The following TSNARE1 variants were observed in gnomAD, a reference collection of about 807,000 sequenced individuals.
TSNARE1 encodes t-SNARE domain containing 1.
Under a neutral mutation model 62.0 loss-of-function variants are expected in TSNARE1, and 49 were observed. The ratio of observed to expected loss-of-function variants is 0.79; its 90% CI spans 0.63 to 1.00. TSNARE1 has a LOEUF of 1.00. Ranked by LOEUF, TSNARE1 falls within the 50% of genes least tolerant of loss-of-function variation. The probability of loss-of-function intolerance (pLI) is 0.00; values close to 1 mark genes in which losing one functional copy is unlikely to be tolerated. For missense variants in TSNARE1, 755 were observed against 700.1 expected, an observed-to-expected ratio of 1.08 and a Z score of -0.88; for synonymous variants, 328 against 294.4, an observed-to-expected ratio of 1.11 and a Z score of -1.17.
At chr8:142,327,424 C>T (rs7000748) in intron 6 of TSNARE1, among the ~76,000 whole-genome samples, 62,067 of 151,886 alleles carry the variant, frequency 0.41, 13,416 homozygotes, top group East Asian at 0.55. Flanking sequence ...CTGAGGGGCA[C>T]GGTTCTGCAC....
chr8:142,396,883 C>G (rs1053721452), intron 1 of TSNARE1, among the ~76,000 whole-genome samples: 1 of 152,220 alleles, frequency 6.6e-6, no homozygotes, highest in Non-Finnish European at 1.5e-5. Context: ...GCCTGACGCT[C>G]AGGTCTACTG....
intron 6 of TSNARE1, among the ~76,000 whole-genome samples, chr8:142,323,078 C>G (rs947502849): frequency 2.0e-5 from 3 of 151,338 alleles, no homozygotes; most frequent in Non-Finnish European, 4.4e-5. Context: ...TATGAAAGGC[C>G]GGCCTGGCTG....
At chr8:142,378,335 G>A (rs577664736) in intron 1 of TSNARE1, among the ~76,000 whole-genome samples, 7 of 152,302 alleles carry the variant, frequency 4.6e-5, no homozygotes, top group African/African-American at 1.7e-4. Flanking sequence ...GGCAAAAGTC[G>A]CATGTGGTGA....
In TSNARE1 at chr8:142,295,235, G is replaced by A. The variant is rs144825078; in HGVS notation, c.1290+5251C>T. On this transcript the variant is annotated intron_variant, in intron 10 of 13. Coordinates refer to ENST00000524325, the MANE Select transcript of TSNARE1 (RefSeq NM_145003.5). ...CTACGACCCTCCTCTGGGAGATGGT[G>A]GGCAGCCCCAGGTGAAAAGTTCAAA... Among the ~76,000 whole-genome samples the A allele has an allele frequency of 7.4e-3, 1,129 of 152,340 alleles. 13 individuals carry two copies. The highest frequency in any genetic ancestry group is 0.026 in the African/African-American group (1,076 of 41,580).
intron 1 of TSNARE1, among the ~76,000 whole-genome samples, chr8:142,402,191 G>A (rs1242721979): frequency 6.6e-6 from 1 of 152,192 alleles, no homozygotes; most frequent in East Asian, 1.9e-4. Context: ...AAAGGCACCT[G>A]GCAGGATGAG....
chr8:142,352,029 G>A (rs146055268), intron 2 of TSNARE1, among the ~76,000 whole-genome samples: 1 of 152,242 alleles, frequency 6.6e-6, no homozygotes, highest in Non-Finnish European at 1.5e-5. Flanking sequence ...AAAGAGAAAA[G>A]TGCGAGTCCC....
chr8:142,274,053 C>A lies in TSNARE1; in HGVS notation c.1446+728G>T, dbSNP rs540648304. 1.4e-5 allele frequency: 14 copies of A among 985,352 alleles called. No individual in the cohort carries two copies. The Middle Eastern group carries it at 1.6e-3, about 110-fold the overall frequency. The allele number at this position is 985,352 out of a possible 1,614,324, so 61.0% of individuals were successfully genotyped here. A position where few individuals can be genotyped will look rare whatever the true frequency, so the allele number is the denominator to read the frequency against. On this transcript the variant is annotated intron_variant, in intron 12 of 13. Transcript: ENST00000524325. ...GGCCCAGGGGCTTCTTCTGCGCTCC[C>A]ACCGTGGCCCATGCCACCCTCACCT...
At chr8:142,340,807 C>G (rs552284429) in intron 4 of TSNARE1, among the ~76,000 whole-genome samples, 2 of 152,208 alleles carry the variant, frequency 1.3e-5, no homozygotes, top group Admixed American at 6.5e-5. Context: ...CCAGCCCACA[C>G]GCAGGCAGGG....
intron 12 of TSNARE1, among the ~76,000 whole-genome samples, chr8:142,267,805 A>C (rs1405677635): frequency 6.6e-6 from 1 of 152,208 alleles, no homozygotes; most frequent in Non-Finnish European, 1.5e-5. Flanking sequence ...TGGGGGATGG[A>C]ATGCAAGAAG....
intron 6 of TSNARE1, among the ~76,000 whole-genome samples, chr8:142,329,268 G>C (rs1488181917): frequency 2.0e-5 from 3 of 152,206 alleles, no homozygotes; most frequent in Admixed American, 6.5e-5. Context: ...TAAGAGCTAA[G>C]GCCGGCCCAG....
Position 142,277,559 on chromosome 8 carries a change from T to C in TSNARE1, c.1364-2696A>G, listed in dbSNP as rs1820711200. On this transcript the variant is annotated intron_variant, in intron 11 of 13. Coordinates refer to ENST00000524325, the MANE Select transcript of TSNARE1 (RefSeq NM_145003.5). ...GATGCCCCCACCCTGTCCTCAGGCT[T>C]GGCAGCCACTTTCCTACTTCCTGCC... 7.1e-6 allele frequency: 7 copies of C among 985,312 alleles called. No individual in the cohort carries two copies. The South Asian group carries it at 3.3e-4, about 46-fold the overall frequency. 61.0% of individuals were successfully genotyped at this position (985,312 alleles called of 1,614,324 possible).
intron 10 of TSNARE1, among the ~76,000 whole-genome samples, chr8:142,299,087 G>C (rs1207220962): frequency 1.3e-5 from 2 of 152,254 alleles, no homozygotes. Context: ...CCGAGGACAG[G>C]AAAGGGTGAA....
At chr8:142,275,484 C>T in intron 11 of TSNARE1, 1 of 985,408 alleles carries the variant, frequency 1.0e-6, no homozygotes, top group Non-Finnish European at 1.2e-6. Flanking sequence ...CGGGAGACAC[C>T]AGACCAGGGC....
chr8:142,280,049 C>A, intron 11 of TSNARE1: 1 of 1,235,558 alleles, frequency 8.1e-7, no homozygotes, highest in African/African-American at 1.6e-5. Flanking sequence ...CGGCAGTAGC[C>A]CAGCGCGTTC....
chr8:142,326,165 G>A, intron 6 of TSNARE1: 2 of 170,230 alleles, frequency 1.2e-5, no homozygotes, highest in South Asian at 1.0e-4. Context: ...GCTAAGGGGA[G>A]GGCCCCGGAG....
At chr8:142,285,965 C>T (rs1822671127) in intron 10 of TSNARE1, among the ~76,000 whole-genome samples, 1 of 152,178 alleles carries the variant, frequency 6.6e-6, no homozygotes, top group Admixed American at 6.5e-5. Flanking sequence ...TCTAACAGAG[C>T]AGGGATTGGG....
intron 6 of TSNARE1, among the ~76,000 whole-genome samples, chr8:142,321,805 T>C (rs1438027050): frequency 6.6e-6 from 1 of 152,180 alleles, no homozygotes; most frequent in East Asian, 1.9e-4. Context: ...AGAAGTAAAT[T>C]TGTGCTTAAA....
chr8:142,345,902 G>A lies in TSNARE1; in HGVS notation c.89-10C>T. On this transcript the variant is annotated splice_polypyrimidine_tract_variant and intron_variant, in intron 2 of 13. Transcript: ENST00000524325. The stretch of plus-strand genomic sequence containing the variant: ...CAACATCTAGCGCACTCTACGGACA[G>A]CAAGGGACAGTCACGATTACTCTCA... 6.2e-7 allele frequency: 1 copy of A among 1,611,260 alleles called. No individual in the cohort carries two copies. The highest frequency in any genetic ancestry group is 8.5e-7 in the Non-Finnish European group (1 of 1,178,430).
chr8:142,274,336 C>T, intron 12 of TSNARE1: 1 of 985,450 alleles, frequency 1.0e-6, no homozygotes, highest in Non-Finnish European at 1.2e-6. Flanking sequence ...GCTCCAAGTC[C>T]CACTTCAAGA....
Sources: gnomAD v4.1 joint callset for allele counts (sites outside exome capture counted in the v4.1 genomes callset) on GRCh38, gnomAD v4.1.1 for gene constraint, MANE v1.5 for transcripts, NCBI Gene and HGNC (gene_info 2026-07-23, HGNC 2026-07-21) for gene names.